Variants in C3orf33 observed in about 807,000 individuals in gnomAD.
C3orf33 encodes mitochondrial inner membrane subdomain organizer 1.
In C3orf33, 23 loss-of-function variants were observed where a neutral mutation model predicts 28.7. That is an observed-to-expected ratio of 0.80 (90% CI 0.58 to 1.13). C3orf33 has a LOEUF of 1.13. Ranked by LOEUF, C3orf33 falls within the 50% of genes most tolerant of loss-of-function variation. C3orf33 has a pLI of 0.00. For missense variants in C3orf33, 327 were observed against 353.4 expected (o/e 0.93, Z 0.60); for synonymous variants, 119 against 120.5 (o/e 0.99, Z 0.08).
At chr3:155,767,976 T>C (rs917447630) in intron 3 of C3orf33, among the ~76,000 whole-genome samples, 2 of 152,108 alleles carry the variant, frequency 1.3e-5, no homozygotes, top group African/African-American at 4.8e-5. Context: ...GCCTCCCAGG[T>C]TCAAGCGATT....
chr3:155,764,577 G>A (rs1182792684), intron 4 of C3orf33, among the ~76,000 whole-genome samples: 1 of 151,936 alleles, frequency 6.6e-6, no homozygotes, highest in East Asian at 1.9e-4. Flanking sequence ...TCCTGGCGGG[G>A]CGCGGTGGCT....
intron 2 of C3orf33, among the ~76,000 whole-genome samples, chr3:155,781,990 T>C (rs1342492395): frequency 6.6e-6 from 1 of 151,644 alleles, no homozygotes; most frequent in African/African-American, 2.4e-5. Flanking sequence ...GCAGGAGAAC[T>C]GCTTGAACCC....
At chr3:155,780,992 C>CTTTTTTTTT (rs746458091) in intron 2 of C3orf33, among the ~76,000 whole-genome samples, 4 of 141,154 alleles carry the variant, frequency 2.8e-5, no homozygotes, top group African/African-American at 1.0e-4. Context: ...CTCTAGACTT[C>CTTTTTTTTT]TTTTTTTTTT....
intron 4 of C3orf33, among the ~76,000 whole-genome samples, chr3:155,765,489 G>A (rs552148691): frequency 2.0e-5 from 3 of 152,090 alleles, no homozygotes; most frequent in African/African-American, 7.2e-5. Flanking sequence ...ATTTTTGTAA[G>A]GCCTTTAGGA....
At chr3:155,784,381 T>C (rs535280197) in intron 2 of C3orf33, among the ~76,000 whole-genome samples, 31 of 152,250 alleles carry the variant, frequency 2.0e-4, no homozygotes, top group African/African-American at 6.0e-4. Context: ...GTTATAACTT[T>C]AGGATGTTAA....
At chr3:155,768,778 G>A (rs1309703550) in intron 3 of C3orf33, among the ~76,000 whole-genome samples, 2 of 152,072 alleles carry the variant, frequency 1.3e-5, no homozygotes, top group Non-Finnish European at 2.9e-5. Flanking sequence ...TTAGGATATG[G>A]GCTTCTTAAA....
At chr3:155,800,931 A>G (rs1751628862) in intron 2 of C3orf33, among the ~76,000 whole-genome samples, 2 of 152,094 alleles carry the variant, frequency 1.3e-5, no homozygotes, top group African/African-American at 4.8e-5. Flanking sequence ...GAAAATAATA[A>G]CTGTTAGTAA....
At chr3:155,787,089 T>C (rs1036338623) in intron 2 of C3orf33, among the ~76,000 whole-genome samples, 2 of 152,176 alleles carry the variant, frequency 1.3e-5, no homozygotes, top group African/African-American at 4.8e-5. Flanking sequence ...GAGGCCAGCA[T>C]TACCCTGATA....
intron 3 of C3orf33, among the ~76,000 whole-genome samples, chr3:155,772,904 T>C (rs1400503541): frequency 1.3e-5 from 2 of 151,992 alleles, no homozygotes; most frequent in African/African-American, 4.8e-5. Flanking sequence ...ATCATAACTT[T>C]CTTGTTTGAT....
intron 2 of C3orf33, among the ~76,000 whole-genome samples, chr3:155,789,344 CAA>C (rs57871976): frequency 3.6e-5 from 4 of 112,148 alleles, no homozygotes; most frequent in Non-Finnish European, 3.6e-5. Flanking sequence ...GACTCTGTCT[CAA>C]AAAAAAAAAA....
rs183654449 is a variant in C3orf33, at chr3:155,764,222, G to T, written c.484-304C>A. On this transcript the variant is annotated intron_variant, in intron 4 of 4. Transcript: ENST00000340171. Reference sequence around the variant, plus strand: ...ATGAAAAATGTGTTTTTGGTCTGTTGGTGGTTCTGTGGAGGGGAAGTGGGA... The same window carrying T: ...ATGAAAAATGTGTTTTTGGTCTGTTTGTGGTTCTGTGGAGGGGAAGTGGGA... Among the ~76,000 whole-genome samples, 247 of 152,240 alleles carry T rather than the reference G, an allele frequency of 1.6e-3. 2 individuals carry two copies. The highest frequency in any genetic ancestry group is 3.0e-3 in the Non-Finnish European group (202 of 68,010).
chr3:155,763,733 T>C lies in C3orf33; in HGVS notation c.669A>G (p.Glu223=), dbSNP rs764618620. The C allele has an allele frequency of 6.3e-7, 1 of 1,595,422 alleles. No individual in the cohort carries two copies. The change falls in exon 5 of 5, where the codon GAA becomes GAG. Residue 223 remains glutamate (E), a synonymous_variant. Transcript: ENST00000340171. ...AATCTTTGAATTTTTCTAAGTAACT[T>C]TCTTTTTCAGAGTCTTCCTTCCATA... The part of the protein sequence containing the change: ...EGIWKEDSEK[E]SYLEKFKDSW...
At position 155,784,256 on chromosome 3, in the gene C3orf33, A is replaced by G. The variant is rs563364405; in HGVS notation, c.175-8408T>C. On this transcript the variant is annotated intron_variant, in intron 2 of 4. Transcript: ENST00000340171. Reference sequence around the variant, plus strand: ...AGTTTATGCTTTTTTTATATCCACAATGTACAAAAATGCGATTCTGTGATA... The same window carrying G: ...AGTTTATGCTTTTTTTATATCCACAGTGTACAAAAATGCGATTCTGTGATA... 3.3e-5 allele frequency among the ~76,000 whole-genome samples: 5 copies of G among 152,134 alleles called. No individual in the cohort carries two copies. The East Asian group carries it at 9.7e-4, about 29-fold the overall frequency.
chr3:155,792,264 T>C (rs115044682), intron 2 of C3orf33, among the ~76,000 whole-genome samples: 2,432 of 152,308 alleles, frequency 0.016, 29 homozygotes, highest in South Asian at 0.041. Context: ...GTTACTGGGC[T>C]TGGGATGCCC....
At chr3:155,763,998 C>T (rs977450790) in intron 4 of C3orf33, 80 bp from the exon 5 acceptor site, 1 of 1,101,098 alleles carries the variant, frequency 9.1e-7, no homozygotes, top group Non-Finnish European at 1.2e-6. Context: ...CCTTAAAAAT[C>T]AGTCATTCAA....
intron 2 of C3orf33, among the ~76,000 whole-genome samples, chr3:155,779,326 G>A (rs1234578713): frequency 1.1e-4 from 17 of 151,920 alleles, no homozygotes; most frequent in Admixed American, 9.2e-4. Context: ...ACAGAGTCTC[G>A]CTCTGTTGCC....
Position 155,790,275 on chromosome 3 carries a change from T to A in C3orf33, c.174+12257A>T, listed in dbSNP as rs1021214228. The stretch of plus-strand genomic sequence containing the variant: ...CCTTATCTAACACTATATAAAAAAA[T>A]TAACTTGATAGAGCAAAGACCCAAA... On this transcript the variant is annotated intron_variant, in intron 2 of 4. Coordinates refer to ENST00000340171, the MANE Select transcript of C3orf33 (RefSeq NM_001308229.2). Among the ~76,000 whole-genome samples, 10 of 87,976 alleles carry A rather than the reference T, an allele frequency of 1.1e-4. 1 individual carries two copies. Among genetic ancestry groups the A allele is most frequent in the Admixed American group, 1.1e-4 (1 of 9,518 alleles). 57.7% of individuals were successfully genotyped at this position (87,976 alleles called of 152,430 possible).
At chr3:155,805,866 C>T (rs1390628939) in intron 1 of C3orf33, 1 of 533,090 alleles carries the variant, frequency 1.9e-6, no homozygotes, top group Admixed American at 3.0e-5. Flanking sequence ...AGCTGGGCTG[C>T]GTCTCACCCT....
At chr3:155,778,140 T>TTAAA (rs1750805473) in intron 2 of C3orf33, among the ~76,000 whole-genome samples, 1 of 18,672 alleles carries the variant, frequency 5.4e-5, no homozygotes, top group Non-Finnish European at 1.5e-4. Context: ...AAACTCCATT[T>TTAAA]CAAAAAAAAA....
Sources: gnomAD v4.1 joint callset for allele counts (sites outside exome capture counted in the v4.1 genomes callset) on GRCh38, gnomAD v4.1.1 for gene constraint, MANE v1.5 for transcripts, NCBI Gene and HGNC (gene_info 2026-07-23, HGNC 2026-07-21) for gene names.